The following SLC35F4 variants were observed in gnomAD, a reference collection of about 807,000 sequenced individuals.
SLC35F4 encodes the protein solute carrier family 35 member F4, also known as chromosome 14 open reading frame 36.
In SLC35F4, 24 loss-of-function variants were observed where a neutral mutation model predicts 44.2. That is an observed-to-expected ratio of 0.54 (90% CI 0.39 to 0.76). The LOEUF (loss-of-function observed/expected upper bound fraction) is 0.76. Among genes scored for constraint, SLC35F4 ranks in the 30% least tolerant of loss-of-function variants. The probability of loss-of-function intolerance (pLI) is 0.00; values close to 1 mark genes in which losing one functional copy is unlikely to be tolerated. For synonymous variants in SLC35F4, 238 were observed against 223.6 expected (o/e 1.06, Z -0.57); for missense variants, 562 against 586.1 (o/e 0.96, Z 0.42).
At chr14:57,939,950 C>G (rs1889886245) in intron 1 of SLC35F4, among the ~76,000 whole-genome samples, 1 of 152,174 alleles carries the variant, frequency 6.6e-6, no homozygotes, top group African/African-American at 2.4e-5. Flanking sequence ...TAAGTAAGGA[C>G]TAAGAGAAGG....
intron 1 of SLC35F4, among the ~76,000 whole-genome samples, chr14:57,622,394 A>G: frequency 6.7e-6 from 1 of 148,632 alleles, no homozygotes; most frequent in East Asian, 1.9e-4. Context: ...CACTATTCAC[A>G]ATAGCAAAGA....
chr14:57,771,989 ATG>A (rs2077376103), intron 1 of SLC35F4, among the ~76,000 whole-genome samples: 1 of 152,176 alleles, frequency 6.6e-6, no homozygotes, highest in Admixed American at 6.5e-5. Context: ...TTTGCATAGT[ATG>A]TGTTATCTTT....
chr14:57,735,215 C>T (rs912810901), intron 1 of SLC35F4, among the ~76,000 whole-genome samples: 12 of 152,086 alleles, frequency 7.9e-5, no homozygotes, highest in African/African-American at 1.2e-4. Context: ...GTTCCTCTTT[C>T]GACAGATGTC....
At chr14:57,867,817 T>C (rs1488018106), upstream of SLC35F4, among the ~76,000 whole-genome samples, 1 of 152,056 alleles carries the variant, frequency 6.6e-6, no homozygotes, top group Non-Finnish European at 1.5e-5. Flanking sequence ...CCATAGCACA[T>C]TAATATATAT....
intron 1 of SLC35F4, among the ~76,000 whole-genome samples, chr14:57,938,368 T>C (rs555691434): frequency 5.1e-4 from 78 of 152,246 alleles, no homozygotes; most frequent in African/African-American, 1.8e-3. Flanking sequence ...TCCAGTGTAA[T>C]TGAGTGTCCT....
chr14:57,616,230 CT>C (rs1267864390), intron 1 of SLC35F4, among the ~76,000 whole-genome samples: 2 of 152,146 alleles, frequency 1.3e-5, no homozygotes, highest in Non-Finnish European at 1.5e-5. Flanking sequence ...TAGTATTTTT[CT>C]TGATCCACTT....
intron 1 of SLC35F4, among the ~76,000 whole-genome samples, chr14:57,836,452 C>G (rs1354101767): frequency 6.6e-6 from 1 of 152,028 alleles, no homozygotes; most frequent in South Asian, 2.1e-4. Context: ...GCCATCACAT[C>G]CAGCTAATTT....
intron 1 of SLC35F4, among the ~76,000 whole-genome samples, chr14:57,822,583 T>C (rs1020677010): frequency 2.0e-5 from 3 of 152,120 alleles, no homozygotes; most frequent in African/African-American, 7.2e-5. Flanking sequence ...ACCCAACATA[T>C]TACTAGCTCC....
intron 1 of SLC35F4, among the ~76,000 whole-genome samples, chr14:57,662,709 T>C (rs77891100): frequency 0.026 from 3,961 of 152,240 alleles, 163 homozygotes; most frequent in African/African-American, 0.089. Flanking sequence ...GTTATAGCAA[T>C]AGAAAATGGA....
intron 1 of SLC35F4, among the ~76,000 whole-genome samples, chr14:57,853,177 C>T (rs1368029494): frequency 6.6e-6 from 1 of 152,168 alleles, no homozygotes; most frequent in African/African-American, 2.4e-5. Context: ...AAGTAGTCTG[C>T]AGTGCTAGAT....
At chr14:57,674,624 T>C (rs2074629843) in intron 1 of SLC35F4, among the ~76,000 whole-genome samples, 1 of 152,152 alleles carries the variant, frequency 6.6e-6, no homozygotes, top group Non-Finnish European at 1.5e-5. Flanking sequence ...TGTTGAGAAC[T>C]GTGAGAGGTC....
At chr14:57,755,131 A>G (rs1273026800) in intron 1 of SLC35F4, among the ~76,000 whole-genome samples, 1 of 152,210 alleles carries the variant, frequency 6.6e-6, no homozygotes, top group Non-Finnish European at 1.5e-5. Context: ...CCCCAGGAGC[A>G]GACTGGAAAG....
intron 1 of SLC35F4, among the ~76,000 whole-genome samples, chr14:57,860,798 T>C (rs1336701151): frequency 6.6e-6 from 1 of 152,244 alleles, no homozygotes; most frequent in African/African-American, 2.4e-5. Flanking sequence ...TCTTTGATTC[T>C]ACTGAGACCT....
chr14:57,851,041 T>C (rs1886513547), intron 1 of SLC35F4, among the ~76,000 whole-genome samples: 1 of 152,218 alleles, frequency 6.6e-6, no homozygotes, highest in South Asian at 2.1e-4. Flanking sequence ...TCTCATATCC[T>C]TGTGAGTCAA....
intron 1 of SLC35F4, among the ~76,000 whole-genome samples, chr14:57,707,779 A>C (rs2075714954): frequency 6.6e-6 from 1 of 152,204 alleles, no homozygotes; most frequent in African/African-American, 2.4e-5. Context: ...AGAGATTTTG[A>C]AACTGCCTTT....
intron 1 of SLC35F4, among the ~76,000 whole-genome samples, chr14:57,922,955 G>C (rs371260146): frequency 3.3e-5 from 5 of 152,316 alleles, no homozygotes; most frequent in African/African-American, 1.2e-4. Context: ...GATTTAATGG[G>C]AAAATTTGCG....
intron 1 of SLC35F4, among the ~76,000 whole-genome samples, chr14:57,911,849 A>T (rs1889221261): frequency 6.6e-6 from 1 of 152,036 alleles, no homozygotes; most frequent in African/African-American, 2.4e-5. Flanking sequence ...ATTGTAGATA[A>T]TTGGCTTAAT....
chr14:57,884,684 T>A (rs1351377764), intron 1 of SLC35F4, among the ~76,000 whole-genome samples: 2 of 152,208 alleles, frequency 1.3e-5, no homozygotes, highest in African/African-American at 4.8e-5. Context: ...TTCTTAAAGT[T>A]TCAAGATTTT....
chr14:57,886,670 G>T (rs1172401860), intron 1 of SLC35F4, among the ~76,000 whole-genome samples: 1 of 151,976 alleles, frequency 6.6e-6, no homozygotes, highest in Non-Finnish European at 1.5e-5. Flanking sequence ...TGATTTCAAA[G>T]TTCCCATTGG....
Sources: gnomAD v4.1 joint callset for allele counts (sites outside exome capture counted in the v4.1 genomes callset) on GRCh38, gnomAD v4.1.1 for gene constraint, MANE v1.5 for transcripts, NCBI Gene and HGNC (gene_info 2026-07-23, HGNC 2026-07-21) for gene names.